The following VPS13B variants were observed in gnomAD, a reference collection of about 807,000 sequenced individuals.
VPS13B encodes the protein vacuolar protein sorting 13 homolog B.
In VPS13B, 285 loss-of-function variants were observed where a neutral mutation model predicts 426.4. The observed-to-expected ratio is 0.67, with a 90% confidence interval of 0.61 to 0.74. The LOEUF is 0.74. VPS13B is among the 30% of genes least tolerant of loss of function. VPS13B has a pLI of 0.00. For synonymous variants in VPS13B, 1,676 were observed against 1,676.4 expected (o/e 1.00, Z 0.01); for missense variants, 4,537 against 4,782.6 (o/e 0.95, Z 1.51).
At chr8:99,529,111 A>T (rs1317683168) in intron 30 of VPS13B, among the ~76,000 whole-genome samples, 2 of 152,118 alleles carry the variant, frequency 1.3e-5, no homozygotes, top group African/African-American at 2.4e-5. Context: ...TACATTTTTT[A>T]AAATAAAAAG....
At chr8:99,121,849 T>C (rs1201117068) in intron 8 of VPS13B, 3 of 142,534 alleles carry the variant, frequency 2.1e-5, no homozygotes, top group Non-Finnish European at 4.6e-5. Flanking sequence ...TCTCTCTCTT[T>C]TTTTTTTTTT....
intron 31 of VPS13B, among the ~76,000 whole-genome samples, chr8:99,564,854 C>T (rs1825108060): frequency 6.6e-6 from 1 of 152,220 alleles, no homozygotes; most frequent in East Asian, 1.9e-4. Context: ...TAGTCAACTA[C>T]TTTTCTTCTG....
At chr8:99,609,637 T>C (rs1827756522) in intron 33 of VPS13B, among the ~76,000 whole-genome samples, 1 of 152,218 alleles carries the variant, frequency 6.6e-6, no homozygotes, top group African/African-American at 2.4e-5. Flanking sequence ...CATTTTGTGG[T>C]ATGCAGCAAA....
chr8:99,430,462 T>C (rs1011432473), intron 21 of VPS13B, among the ~76,000 whole-genome samples: 9 of 152,212 alleles, frequency 5.9e-5, no homozygotes, highest in African/African-American at 2.2e-4. Context: ...AGCTGTATTA[T>C]ATAAATGTAT....
chr8:99,044,935 C>T (rs184736488), intron 3 of VPS13B, among the ~76,000 whole-genome samples: 154 of 150,992 alleles, frequency 1.0e-3, no homozygotes, highest in African/African-American at 3.4e-3. Context: ...ATCCGCTCGT[C>T]GATTGACAGG....
chr8:99,310,381 T>A (rs1038788533), intron 19 of VPS13B, among the ~76,000 whole-genome samples: 4 of 152,176 alleles, frequency 2.6e-5, no homozygotes, highest in South Asian at 2.1e-4. Context: ...TACTGAGAAT[T>A]TTTTTTAAGC....
rs1464379945 is a variant in VPS13B, at chr8:99,275,258, A to G, written c.2824+4A>G. The G allele has an allele frequency of 1.2e-6, 2 of 1,600,810 alleles. No individual in the cohort carries two copies. Among genetic ancestry groups the G allele is most frequent in the Non-Finnish European group, 1.7e-6 (2 of 1,174,908 alleles). ...ATTGACTACTGCCACAATTCCGGTA[A>G]GTACAAACCTATCATTATTCCCTTG... On this transcript the variant is annotated splice_donor_region_variant and intron_variant, in intron 19 of 61. Transcript: ENST00000357162.
chr8:99,359,332 T>C (rs1812368036), intron 19 of VPS13B, among the ~76,000 whole-genome samples: 1 of 152,204 alleles, frequency 6.6e-6, no homozygotes, highest in Non-Finnish European at 1.5e-5. Flanking sequence ...TTAATGTTAT[T>C]GTCCATTAGC....
At chr8:99,069,087 G>T (rs1247291340) in intron 3 of VPS13B, among the ~76,000 whole-genome samples, 1 of 152,012 alleles carries the variant, frequency 6.6e-6, no homozygotes, top group Non-Finnish European at 1.5e-5. Flanking sequence ...TTTGCATGTT[G>T]GTAATTGCTA....
At chr8:99,015,921 C>A (rs964077942) in intron 2 of VPS13B, among the ~76,000 whole-genome samples, 5 of 152,096 alleles carry the variant, frequency 3.3e-5, no homozygotes, top group Admixed American at 1.3e-4. Context: ...GAACGTACTC[C>A]CCACTCCTAA....
At chr8:99,707,179 A>T (rs1832528312) in intron 36 of VPS13B, among the ~76,000 whole-genome samples, 3 of 152,300 alleles carry the variant, frequency 2.0e-5, no homozygotes, top group Non-Finnish European at 2.9e-5. Flanking sequence ...GTTTGTATAA[A>T]GCAACATGGT....
chr8:99,094,513 ACATAAGTT>A (rs1490700860), intron 3 of VPS13B, among the ~76,000 whole-genome samples: 3 of 152,336 alleles, frequency 2.0e-5, no homozygotes, highest in Non-Finnish European at 4.4e-5. Context: ...CTTAAAATGA[ACATAAGTT>A]CATGAGAAAA....
At chr8:99,640,013 TA>T in intron 33 of VPS13B, among the ~76,000 whole-genome samples, 1 of 70,594 alleles carries the variant, frequency 1.4e-5, no homozygotes, top group Non-Finnish European at 2.8e-5. Flanking sequence ...ATAATAATAA[TA>T]ATAATAATAA....
At chr8:99,136,800 C>T (rs772663232) in intron 12 of VPS13B, 48 bp downstream of exon 12, 2 of 1,568,116 alleles carry the variant, frequency 1.3e-6, no homozygotes, top group Non-Finnish European at 1.8e-6. Context: ...ACAACTGAAA[C>T]AAAGCCTTCC....
intron 19 of VPS13B, among the ~76,000 whole-genome samples, chr8:99,282,881 T>G (rs1048946128): frequency 6.6e-6 from 1 of 152,212 alleles, no homozygotes; most frequent in Admixed American, 6.5e-5. Context: ...TAAAAATAAT[T>G]TAAAATTTTA....
chr8:99,228,915 C>T (rs1040062860), intron 17 of VPS13B, among the ~76,000 whole-genome samples: 5 of 151,204 alleles, frequency 3.3e-5, no homozygotes, highest in African/African-American at 1.2e-4. Flanking sequence ...GTGTGTGTGT[C>T]TGTGTGTGTG....
At chr8:99,465,805 A>C (rs1015308457) in intron 23 of VPS13B, among the ~76,000 whole-genome samples, 1 of 152,100 alleles carries the variant, frequency 6.6e-6, no homozygotes, top group Non-Finnish European at 1.5e-5. Flanking sequence ...ATCTTAAGAC[A>C]GACAAAGTAC....
At chr8:99,241,352 A>G (rs1032779338) in intron 17 of VPS13B, 4 of 152,200 alleles carry the variant, frequency 2.6e-5, no homozygotes, top group African/African-American at 9.6e-5. Flanking sequence ...ATATCATTAG[A>G]TAAGTAAAGT....
At chr8:99,168,272 C>A (rs1812128962) in intron 15 of VPS13B, among the ~76,000 whole-genome samples, 1 of 152,006 alleles carries the variant, frequency 6.6e-6, no homozygotes, top group Non-Finnish European at 1.5e-5. Flanking sequence ...AAAAAAATGA[C>A]AGAATAGTAT....
Sources: gnomAD v4.1 joint callset for allele counts (sites outside exome capture counted in the v4.1 genomes callset) on GRCh38, gnomAD v4.1.1 for gene constraint, MANE v1.5 for transcripts, NCBI Gene and HGNC (gene_info 2026-07-23, HGNC 2026-07-21) for gene names.